MID1: variants seen among roughly 807,000 people sequenced by gnomAD.
MID1 encodes E3 ubiquitin-protein ligase Midline-1.
A neutral mutation model predicts 40.4 loss-of-function variants in MID1; 7 were observed. That is an observed-to-expected ratio of 0.17 (90% confidence interval 0.10 to 0.33). MID1 has a LOEUF of 0.33. Ranked by LOEUF, MID1 falls within the 10% of genes least tolerant of loss-of-function variation. The pLI is 1.00. For synonymous variants in MID1, 229 were observed against 221.2 expected (o/e 1.04, Z -0.31); for missense variants, 367 against 558.5 (o/e 0.66, Z 3.46).
chrX:10,823,820 A>C (rs1315290978), intron 1 of MID1, among the ~76,000 whole-genome samples: 1 of 111,601 alleles, frequency 9.0e-6, no homozygotes, highest in Admixed American at 9.5e-5. Context: ...TGGAAGCGAC[A>C]ATACAGATTA....
chrX:10,794,617 T>A (rs1170372627), intron 1 of MID1, among the ~76,000 whole-genome samples: 2 of 112,116 alleles, frequency 1.8e-5, no homozygotes, highest in South Asian at 3.7e-4. Context: ...CAGAGCACTA[T>A]GCATTTTGAG....
chrX:10,515,425 A>G (rs777478004), intron 3 of MID1, among the ~76,000 whole-genome samples: 2 of 112,303 alleles, frequency 1.8e-5, no homozygotes, highest in Admixed American at 9.5e-5. Context: ...TTCCTCCACA[A>G]GAACCTTGTC....
Position 10,678,543 on chromosome X carries a change from C to T in MID1, c.-186-58124G>A, listed in dbSNP as rs1315099727. ...TGTATCTATAGCTACACCTATATATCTCTATGATCAATAAATGTATCTACA... is the reference window on the plus strand; with the variant it reads ...TGTATCTATAGCTACACCTATATATTTCTATGATCAATAAATGTATCTACA... On this transcript the variant is annotated intron_variant, in intron 1 of 10. Coordinates refer to the MID1 transcript ENST00000380785. Among the ~76,000 whole-genome samples, 5 of 112,140 alleles carry T rather than the reference C, an allele frequency of 4.5e-5. No individual in the cohort carries two copies. In the East Asian group the frequency reaches 1.4e-3, roughly 31 times the overall value.
chrX:10,763,614 C>T (rs771007832), intron 1 of MID1, among the ~76,000 whole-genome samples: 25 of 110,359 alleles, frequency 2.3e-4, no homozygotes, highest in East Asian at 1.7e-3. Context: ...TGAATAGTGC[C>T]GCAATAAACA....
In MID1 at chrX:10,667,301, A is replaced by C. The variant is rs1263709914; in HGVS notation, c.-186-46882T>G. ...TAGTCAGCTAAACAAGACCTACATG[A>C]GTGGGGGTGGGGTAAAGGCACCTCG... On this transcript the variant is annotated intron_variant, in intron 1 of 10. Transcript: ENST00000380785. Among the ~76,000 whole-genome samples the C allele has an allele frequency of 1.9e-4, 21 of 111,083 alleles. No individual in the cohort carries two copies. The Admixed American group carries it at 2.0e-3, about 11-fold the overall frequency.
intron 2 of MID1, among the ~76,000 whole-genome samples, chrX:10,564,790 A>C (rs765297444): frequency 5.4e-5 from 6 of 111,633 alleles, no homozygotes; most frequent in African/African-American, 1.6e-4. Flanking sequence ...AATAAATATC[A>C]AGCCTGGGAG....
At chrX:10,813,457 G>C (rs1194477480) in intron 1 of MID1, among the ~76,000 whole-genome samples, 1 of 111,599 alleles carries the variant, frequency 9.0e-6, no homozygotes, top group East Asian at 2.8e-4. Flanking sequence ...AGTCCAGAAA[G>C]ATGGGTAACA....
intron 1 of MID1, among the ~76,000 whole-genome samples, chrX:10,611,224 T>G (rs1186671973): frequency 8.9e-6 from 1 of 112,247 alleles, no homozygotes. Context: ...TTGATGTAAG[T>G]TGATCACTTG....
At chrX:10,558,127 C>G (rs1275426183) in intron 2 of MID1, among the ~76,000 whole-genome samples, 1 of 110,266 alleles carries the variant, frequency 9.1e-6, no homozygotes, top group Non-Finnish European at 1.9e-5. Context: ...GGCCTAAACC[C>G]TTAACCTTGC....
At chrX:10,533,390 GA>G (rs1166828358) in intron 2 of MID1, among the ~76,000 whole-genome samples, 1,548 of 35,228 alleles carry the variant, frequency 0.044, 18 homozygotes, top group African/African-American at 0.087. Flanking sequence ...AAGAAAGAAA[GA>G]AAAGAAAGAA....
At position 10,447,477 on chromosome X, in the gene MID1, GAC is replaced by G. The variant is rs1928088905; in HGVS notation, c.*1889_*1890del. 1 of 111,316 alleles carries G rather than the reference GAC, an allele frequency of 9.0e-6. No homozygotes were observed. Among genetic ancestry groups the G allele is most frequent in the Admixed American group, 9.6e-5 (1 of 10,459 alleles). The allele number at this position is 111,316 out of a possible 1,213,427, so 9.2% of individuals were successfully genotyped here. A position where few individuals can be genotyped will look rare whatever the true frequency, so the allele number is the denominator to read the frequency against. ...CCAAAATGTATGTAAAAATTACTGA[GAC>G]AACCCTTTCAGTTTACTCAGAGAAG... On this transcript the variant is annotated 3_prime_UTR_variant, in exon 10 of 10. Transcript: ENST00000317552.
chrX:10,463,022 GAAT>G (rs1475501414), intron 7 of MID1, among the ~76,000 whole-genome samples: 1 of 111,903 alleles, frequency 8.9e-6, no homozygotes, highest in Non-Finnish European at 1.9e-5. Flanking sequence ...TTTCTGCTAA[GAAT>G]AAGAATAGGC....
intron 1 of MID1, among the ~76,000 whole-genome samples, chrX:10,777,339 A>C (rs1277861045): frequency 9.5e-6 from 1 of 105,207 alleles, no homozygotes; most frequent in African/African-American, 3.5e-5. Flanking sequence ...CTGGGACTAC[A>C]GGCGCCCGCC....
intron 8 of MID1, among the ~76,000 whole-genome samples, chrX:10,455,984 T>C (rs1233914683): frequency 8.9e-6 from 1 of 112,313 alleles, no homozygotes; most frequent in Non-Finnish European, 1.9e-5. Context: ...CAACACTGCA[T>C]TGGGTACAAG....
intron 1 of MID1, among the ~76,000 whole-genome samples, chrX:10,757,129 C>T (rs2043637476): frequency 1.8e-5 from 2 of 111,549 alleles, no homozygotes; most frequent in Non-Finnish European, 1.9e-5. Context: ...GGTTTGACCC[C>T]GTCAGAATTC....
At chrX:10,649,706 G>A (rs187952551) in intron 1 of MID1, among the ~76,000 whole-genome samples, 4 of 111,511 alleles carry the variant, frequency 3.6e-5, no homozygotes, top group Non-Finnish European at 3.8e-5. Flanking sequence ...AATATGAACC[G>A]TGCAATGTGG....
At chrX:10,489,507 TGC>T (rs1425669180) in intron 4 of MID1, among the ~76,000 whole-genome samples, 1 of 112,188 alleles carries the variant, frequency 8.9e-6, no homozygotes, top group Admixed American at 9.4e-5. Context: ...CCACTGAAAT[TGC>T]CTTTGCATCT....
chrX:10,685,148 T>TA (rs199671853), intron 1 of MID1, among the ~76,000 whole-genome samples: 5,320 of 112,246 alleles, frequency 0.047, 181 homozygotes, highest in African/African-American at 0.12. Context: ...TTTATGTCAT[T>TA]AAAAATTTCA....
intron 1 of MID1, among the ~76,000 whole-genome samples, chrX:10,796,353 C>T (rs1248289674): frequency 2.9e-5 from 3 of 105,153 alleles, no homozygotes; most frequent in Non-Finnish European, 5.8e-5. Flanking sequence ...ACACCAGATA[C>T]GTATTTGACA....
Sources: allele counts gnomAD v4.1 joint callset (sites outside exome capture counted in the v4.1 genomes callset), GRCh38; gene constraint gnomAD v4.1.1; transcripts MANE v1.5; gene names NCBI Gene and HGNC (gene_info 2026-07-23, HGNC 2026-07-21).